FARP1: variants seen among roughly 807,000 people sequenced by gnomAD.
The protein encoded by FARP1 is FERM, ARH/RhoGEF and pleckstrin domain protein 1, also known as FERM, ARHGEF and pleckstrin domain-containing protein 1.
A neutral mutation model predicts 128.8 loss-of-function variants in FARP1; 52 were observed. The ratio of observed to expected loss-of-function variants is 0.40; its 90% CI spans 0.32 to 0.51. The LOEUF (loss-of-function observed/expected upper bound fraction) is 0.51. Ranked by LOEUF, FARP1 falls within the 20% of genes least tolerant of loss-of-function variation. The probability of loss-of-function intolerance (pLI) is 0.45; values close to 1 mark genes in which losing one functional copy is unlikely to be tolerated. For missense variants in FARP1, 1,333 were observed against 1,367.9 expected (o/e 0.97, Z 0.40); for synonymous variants, 580 against 551.8 (o/e 1.05, Z -0.72).
At chr13:98,318,642 T>G (rs9517257) in intron 2 of FARP1, among the ~76,000 whole-genome samples, 27,254 of 152,142 alleles carry the variant, frequency 0.18, 3,098 homozygotes, top group Non-Finnish European at 0.26. Flanking sequence ...TGCCGCACTT[T>G]CTCCATTTGA....
chr13:98,232,380 G>C (rs181101618), intron 2 of FARP1, among the ~76,000 whole-genome samples: 18 of 151,110 alleles, frequency 1.2e-4, no homozygotes, highest in Admixed American at 1.2e-3. Context: ...GGGCACCAAT[G>C]TGCCTAGTTA....
intron 2 of FARP1, among the ~76,000 whole-genome samples, chr13:98,218,304 C>G (rs76180370): frequency 1.3e-5 from 2 of 152,316 alleles, no homozygotes; most frequent in East Asian, 1.9e-4. Flanking sequence ...TAGCTCACCT[C>G]CAATCAGACC....
chr13:98,219,020 G>C (rs1359917173), intron 2 of FARP1, among the ~76,000 whole-genome samples: 2 of 152,130 alleles, frequency 1.3e-5, no homozygotes, highest in African/African-American at 4.8e-5. Flanking sequence ...ATTAAACATT[G>C]ATTTCATTTC....
rs554255298 is a variant in FARP1, at chr13:98,368,050, T to G, written c.320-67T>G. The G allele has an allele frequency of 5.4e-6, 7 of 1,289,402 alleles. No individual in the cohort carries two copies. In the African/African-American group the frequency reaches 7.3e-5, roughly 13 times the overall value. The allele number at this position is 1,289,402 out of a possible 1,614,324, so 79.9% of individuals were successfully genotyped here. A position where few individuals can be genotyped will look rare whatever the true frequency, so the allele number is the denominator to read the frequency against. Reference sequence around the variant, plus strand: ...ATGCATTATTTGTATTTGTAAAGTCTTTTTCTTTAATGGCATTTGAAACAC... The same window carrying G: ...ATGCATTATTTGTATTTGTAAAGTCGTTTTCTTTAATGGCATTTGAAACAC... On this transcript the variant is annotated intron_variant, in intron 4 of 26. Transcript: ENST00000319562.
intron 2 of FARP1, among the ~76,000 whole-genome samples, chr13:98,240,998 G>A (rs796935711): frequency 6.6e-5 from 10 of 152,360 alleles, no homozygotes; most frequent in African/African-American, 2.2e-4. Context: ...GAGAAGGAAG[G>A]CAGAAGGCAG....
At chr13:98,326,689 A>C (rs1188219583) in intron 2 of FARP1, among the ~76,000 whole-genome samples, 1 of 152,172 alleles carries the variant, frequency 6.6e-6, no homozygotes, top group Admixed American at 6.5e-5. Flanking sequence ...CAGCTCCAAT[A>C]AACTTTTCTG....
At chr13:98,183,787 C>T (rs1265794933) in intron 1 of FARP1, among the ~76,000 whole-genome samples, 2 of 152,188 alleles carry the variant, frequency 1.3e-5, no homozygotes, top group African/African-American at 4.8e-5. Context: ...TCGCTGCCTC[C>T]ACTGTCCTCC....
chr13:98,451,562 C>T lies in FARP1; in HGVS notation c.*3245C>T, dbSNP rs1304744239. 1 of 152,184 alleles carries T rather than the reference C, an allele frequency of 6.6e-6. No individual in the cohort carries two copies. The highest frequency in any genetic ancestry group is 1.5e-5 in the Non-Finnish European group (1 of 68,042). The allele number at this position is 152,184 out of a possible 1,614,324, so 9.4% of individuals were successfully genotyped here. On this transcript the variant is annotated 3_prime_UTR_variant, in exon 27 of 27. Coordinates refer to ENST00000319562, the MANE Select transcript of FARP1 (RefSeq NM_005766.4). ...CCGACACAATAACCCACTCAAGCATCTGTAGCTCAGGGCTCTGTCCCCTCC... is the reference window on the plus strand; with the variant it reads ...CCGACACAATAACCCACTCAAGCATTTGTAGCTCAGGGCTCTGTCCCCTCC...
At chr13:98,177,211 C>T (rs1466622537) in intron 1 of FARP1, 5 of 1,568,296 alleles carry the variant, frequency 3.2e-6, no homozygotes, top group Non-Finnish European at 4.3e-6. Context: ...GTCGGCCGTC[C>T]TTCCTGGAGA....
intron 5 of FARP1, among the ~76,000 whole-genome samples, chr13:98,375,104 C>A (rs993860974): frequency 6.6e-6 from 1 of 152,206 alleles, no homozygotes; most frequent in Non-Finnish European, 1.5e-5. Context: ...TTGACTGATA[C>A]ACTTAAACAT....
In FARP1 at chr13:98,309,881, T is replaced by C. The variant is rs1032278908; in HGVS notation, c.172-33881T>C. 2.0e-5 allele frequency among the ~76,000 whole-genome samples: 3 copies of C among 152,108 alleles called. 1 individual carries two copies. The highest frequency in any genetic ancestry group is 2.9e-5 in the Non-Finnish European group (2 of 68,000). On this transcript the variant is annotated intron_variant, in intron 2 of 26. Transcript: ENST00000319562. Reference sequence around the variant, plus strand: ...CCGTGCACTTTAACACAATGGGAGATACAGCAAAAAGGGGAAAATATATTC... The same window carrying C: ...CCGTGCACTTTAACACAATGGGAGACACAGCAAAAAGGGGAAAATATATTC...
intron 3 of FARP1, among the ~76,000 whole-genome samples, chr13:98,353,798 A>G (rs9513403): frequency 0.68 from 103,164 of 152,120 alleles, 36,006 homozygotes; most frequent in Non-Finnish European, 0.79. Context: ...ATAGCATTTT[A>G]TCTATAGTTA....
intron 2 of FARP1, among the ~76,000 whole-genome samples, chr13:98,258,531 G>A (rs747339167): frequency 1.6e-4 from 25 of 152,128 alleles, no homozygotes; most frequent in Non-Finnish European, 3.5e-4. Flanking sequence ...TATAGATTGA[G>A]GTAAAAGATC....
chr13:98,233,251 G>A (rs780191566), intron 2 of FARP1, among the ~76,000 whole-genome samples: 6 of 152,248 alleles, frequency 3.9e-5, no homozygotes, highest in Non-Finnish European at 7.3e-5. Context: ...AAAGAGGCAT[G>A]ATATCCATGG....
chr13:98,153,517 ATTTATAT>A (rs1222095631), intron 1 of FARP1, among the ~76,000 whole-genome samples: 26 of 86,314 alleles, frequency 3.0e-4, no homozygotes, highest in South Asian at 6.9e-4. Flanking sequence ...ATAAATATAT[ATTTATAT>A]ATATATTATA....
At chr13:98,187,916 C>G (rs1878982614) in intron 1 of FARP1, among the ~76,000 whole-genome samples, 1 of 152,152 alleles carries the variant, frequency 6.6e-6, no homozygotes, top group Non-Finnish European at 1.5e-5. Context: ...ATGTTGAACC[C>G]TCTTTGGGGA....
intron 2 of FARP1, among the ~76,000 whole-genome samples, chr13:98,226,280 A>T (rs1270351846): frequency 6.6e-6 from 1 of 152,182 alleles, no homozygotes; most frequent in Non-Finnish European, 1.5e-5. Flanking sequence ...GTTTATAGAT[A>T]CATTGCCTCT....
chr13:98,311,379 A>C (rs1336036843), intron 2 of FARP1, among the ~76,000 whole-genome samples: 3 of 152,164 alleles, frequency 2.0e-5, no homozygotes. Flanking sequence ...AAGTACTAGC[A>C]GGTCTGTGTG....
chr13:98,393,144 T>C (rs114379494), intron 11 of FARP1, among the ~76,000 whole-genome samples: 1,609 of 152,344 alleles, frequency 0.011, 37 homozygotes, highest in African/African-American at 0.037. Flanking sequence ...CAGTTCCTTC[T>C]ACTGTTGAGG....
Sources: allele counts gnomAD v4.1 joint callset (sites outside exome capture counted in the v4.1 genomes callset), GRCh38; gene constraint gnomAD v4.1.1; transcripts MANE v1.5; gene names NCBI Gene and HGNC (gene_info 2026-07-23, HGNC 2026-07-21).